The following PARP8 variants were observed in gnomAD, a reference collection of about 807,000 sequenced individuals.
PARP8 encodes poly(ADP-ribose) polymerase family member 8.
In PARP8, 51 loss-of-function variants were observed where a neutral mutation model predicts 124.1. That is an observed-to-expected ratio of 0.41 (90% CI 0.33 to 0.52). The LOEUF (loss-of-function observed/expected upper bound fraction) is 0.52, where lower values mean the gene tolerates loss of function less well. Ranked by LOEUF, PARP8 falls within the 20% of genes least tolerant of loss-of-function variation. The pLI, the probability that PARP8 is intolerant of heterozygous loss-of-function variation, is 0.21. For synonymous variants in PARP8, 391 were observed against 361.5 expected (o/e 1.08, Z -0.93); for missense variants, 860 against 1,018.9 (o/e 0.84, Z 2.12).
rs773404969 is a variant in PARP8, at chr5:50,795,038, C to T, written c.1049C>T (p.Ala350Val). The T allele has an allele frequency of 3.3e-5, 53 of 1,614,070 alleles. No homozygotes were observed. In the East Asian group the frequency reaches 1.1e-3, roughly 33 times the overall value. Reference sequence around the variant, plus strand: ...CGCTCCTTGTCCAGCGATCCCAGGGCGGAGCAGGCTATGACAGCAATTAAA... The same window carrying T: ...CGCTCCTTGTCCAGCGATCCCAGGGTGGAGCAGGCTATGACAGCAATTAAA... ...FGRSLSSDPRAEQAMTAIKSH... is the reference protein window; with the variant it reads ...FGRSLSSDPRVEQAMTAIKSH... Residue 350 changes from alanine (A) to valine (V), a missense_variant, in exon 12 of 26, where the codon GCG becomes GTG. Ala to Val is a moderately conservative substitution (Grantham distance 64). Around this residue, in one of 2 missense-constraint regions of PARP8, gnomAD observed 517 missense variants for 544.2 expected, o/e 0.95. Transcript: ENST00000281631.
intron 2 of PARP8, among the ~76,000 whole-genome samples, chr5:50,720,621 T>C (rs1755777812): frequency 1.3e-5 from 2 of 152,054 alleles, no homozygotes; most frequent in Non-Finnish European, 1.5e-5. Context: ...CATAATTCTT[T>C]AGAGCAGAGG....
chr5:50,836,698 A>T (rs1747624279), intron 25 of PARP8, among the ~76,000 whole-genome samples: 1 of 152,204 alleles, frequency 6.6e-6, no homozygotes. Context: ...AAAGTTTATT[A>T]TGAGGATTAA....
chr5:50,764,210 C>G (rs1760839350), intron 7 of PARP8, among the ~76,000 whole-genome samples: 1 of 152,162 alleles, frequency 6.6e-6, no homozygotes, highest in African/African-American at 2.4e-5. Flanking sequence ...TACGTCTCCC[C>G]CTGTAGACTG....
chr5:50,817,442 CA>C (rs1745227197), intron 15 of PARP8, among the ~76,000 whole-genome samples: 1 of 152,092 alleles, frequency 6.6e-6, no homozygotes, highest in Non-Finnish European at 1.5e-5. Flanking sequence ...TTTTTCTAAA[CA>C]AAAAGAAACC....
chr5:50,708,922 C>A (rs1319440868), intron 2 of PARP8, among the ~76,000 whole-genome samples: 4 of 151,948 alleles, frequency 2.6e-5, no homozygotes, highest in African/African-American at 9.7e-5. Flanking sequence ...GCCAGGACTA[C>A]AGGCACTTGC....
intron 2 of PARP8, among the ~76,000 whole-genome samples, chr5:50,729,064 C>T (rs1561297184): frequency 1.3e-5 from 2 of 152,012 alleles, no homozygotes; most frequent in African/African-American, 2.4e-5. Flanking sequence ...CATTAGTGTG[C>T]GGTTGTTCAA....
intron 2 of PARP8, among the ~76,000 whole-genome samples, chr5:50,715,299 C>T (rs1169253768): frequency 1.3e-5 from 2 of 152,052 alleles, no homozygotes; most frequent in Admixed American, 6.6e-5. Flanking sequence ...CAAAATGCTC[C>T]TCCACACTCT....
chr5:50,818,777 T>C (rs1252419520), intron 15 of PARP8, among the ~76,000 whole-genome samples: 1 of 152,244 alleles, frequency 6.6e-6, no homozygotes, highest in Non-Finnish European at 1.5e-5. Flanking sequence ...AATGTTTTTC[T>C]TCTTAAAAAG....
At chr5:50,752,359 CT>C (rs1759353398) in intron 3 of PARP8, among the ~76,000 whole-genome samples, 1 of 151,968 alleles carries the variant, frequency 6.6e-6, no homozygotes, top group Non-Finnish European at 1.5e-5. Context: ...TCTGTCTGAG[CT>C]TTTTAGGGAT....
At chr5:50,766,227 A>G (rs565178624) in intron 7 of PARP8, among the ~76,000 whole-genome samples, 1 of 152,362 alleles carries the variant, frequency 6.6e-6, no homozygotes, top group East Asian at 1.9e-4. Context: ...GTTGAATCAT[A>G]CATGTAAACA....
At chr5:50,705,344 A>G (rs570831231) in intron 2 of PARP8, among the ~76,000 whole-genome samples, 2 of 152,340 alleles carry the variant, frequency 1.3e-5, no homozygotes, top group South Asian at 4.1e-4. Flanking sequence ...GGATAGAAGT[A>G]TATTATTTCA....
Position 50,739,725 on chromosome 5 carries a change from TATATA to T in PARP8, c.147-10425_147-10421del, listed in dbSNP as rs1335208439. ...GGGTATATACATATATATATATATA[TATATA>T]TATTTTTTTTTTTTTTTTTTTTTGA... On this transcript the variant is annotated intron_variant, in intron 2 of 25. Transcript: ENST00000281631. Among the ~76,000 whole-genome samples, 77 of 108,250 alleles carry T rather than the reference TATATA, an allele frequency of 7.1e-4. 1 individual carries two copies. Among genetic ancestry groups the T allele is most frequent in the South Asian group, 4.8e-3 (16 of 3,318 alleles). The allele number at this position is 108,250 out of a possible 152,430, so 71.0% of individuals were successfully genotyped here. A position where few individuals can be genotyped will look rare whatever the true frequency, so the allele number is the denominator to read the frequency against.
At chr5:50,820,793 G>T (rs532041353) in intron 15 of PARP8, among the ~76,000 whole-genome samples, 8 of 152,254 alleles carry the variant, frequency 5.3e-5, no homozygotes, top group Admixed American at 3.9e-4. Context: ...TTATTCTCTA[G>T]TGCCTACTTT....
chr5:50,701,987 A>G (rs182510706), intron 2 of PARP8, among the ~76,000 whole-genome samples: 51 of 152,320 alleles, frequency 3.3e-4, no homozygotes, highest in African/African-American at 1.2e-3. Flanking sequence ...GCTTGGAAAG[A>G]TAAACTATTA....
At chr5:50,839,666 T>TTCTCTCTCTC (rs34544570) in intron 25 of PARP8, among the ~76,000 whole-genome samples, 8 of 147,488 alleles carry the variant, frequency 5.4e-5, no homozygotes, top group Admixed American at 1.4e-4. Context: ...CTCTCTTTCT[T>TTCTCTCTCTC]TCTCTCTCTC....
chr5:50,787,410 C>T (rs1741384338), intron 9 of PARP8, among the ~76,000 whole-genome samples: 1 of 152,128 alleles, frequency 6.6e-6, no homozygotes, highest in South Asian at 2.1e-4. Flanking sequence ...TCTTCAGGGG[C>T]TTTGCCTTTG....
chr5:50,696,982 GTC>G (rs1163843258), intron 2 of PARP8, among the ~76,000 whole-genome samples: 1 of 152,126 alleles, frequency 6.6e-6, no homozygotes, highest in African/African-American at 2.4e-5. Context: ...AGAAGAATGA[GTC>G]TGTGCCGGGC....
In PARP8 at chr5:50,834,070, C is replaced by T. The variant is rs1340557694; in HGVS notation, c.2377+22C>T. 10 of 1,574,656 alleles carry T rather than the reference C, an allele frequency of 6.4e-6. No individual in the cohort carries two copies. The Middle Eastern group carries it at 1.3e-3, about 211-fold the overall frequency. On this transcript the variant is annotated intron_variant, in intron 24 of 25. Coordinates refer to ENST00000281631, the MANE Select transcript of PARP8 (RefSeq NM_024615.4). ...GAAGGTAAGTTGAAAGTTTTACAAA[C>T]CTCATAGTGTTAGTTCCTAGCTCAT...
chr5:50,683,997 T>G (rs1313635753), intron 2 of PARP8, among the ~76,000 whole-genome samples: 1 of 152,220 alleles, frequency 6.6e-6, no homozygotes, highest in Non-Finnish European at 1.5e-5. Flanking sequence ...ATTTATAGGC[T>G]ATTCTCATAT....
Sources: allele counts gnomAD v4.1 joint callset (sites outside exome capture counted in the v4.1 genomes callset), GRCh38; gene constraint gnomAD v4.1.1; regional missense constraint gnomAD v4.1.1; transcripts MANE v1.5; gene names NCBI Gene and HGNC (gene_info 2026-07-23, HGNC 2026-07-21).